Variants in LRCH1 observed in about 807,000 individuals in gnomAD.
LRCH1 encodes leucine rich repeats and calponin homology domain containing 1.
In LRCH1, 23 loss-of-function variants were observed where a neutral mutation model predicts 94.9. The ratio of observed to expected loss-of-function variants is 0.24; its 90% CI spans 0.17 to 0.34. LRCH1 has a LOEUF of 0.34. Among genes scored for constraint, LRCH1 ranks in the 10% least tolerant of loss-of-function variants. The pLI is 1.00. For missense variants in LRCH1, 790 were observed against 945.9 expected, an observed-to-expected ratio of 0.84 and a Z score of 2.16; for synonymous variants, 364 against 354.9, an observed-to-expected ratio of 1.03 and a Z score of -0.29.
chr13:46,637,456 G>A (rs890406613), intron 1 of LRCH1, among the ~76,000 whole-genome samples: 5 of 152,200 alleles, frequency 3.3e-5, no homozygotes, highest in Non-Finnish European at 7.3e-5. Flanking sequence ...GACCTCATTG[G>A]CCTCTTTTCT....
At chr13:46,568,101 A>T (rs2137913614) in intron 1 of LRCH1, among the ~76,000 whole-genome samples, 1 of 152,224 alleles carries the variant, frequency 6.6e-6, no homozygotes, top group East Asian at 1.9e-4. Flanking sequence ...GAGCCCCATC[A>T]CCTTTGGATA....
rs138383751 is a variant in LRCH1 at position 46,725,570 on chromosome 13, G to A, written c.1869+2240G>A. ...AAACAAATAAATACACAGTTTCAGA[G>A]AGCAATGAGTTCTACAAATGAGCAG... On this transcript the variant is annotated intron_variant, in intron 17 of 19. Coordinates refer to ENST00000389797, the MANE Select transcript of LRCH1 (RefSeq NM_001164211.2). Among the ~76,000 whole-genome samples, 3 of 152,272 alleles carry A rather than the reference G, an allele frequency of 2.0e-5. No individual in the cohort carries two copies. In the East Asian group the frequency reaches 5.8e-4, roughly 29 times the overall value.
Position 46,631,924 on chromosome 13 carries a change from G to A in LRCH1, c.308-18277G>A, listed in dbSNP as rs545012248. On this transcript the variant is annotated intron_variant, in intron 1 of 19. Transcript: ENST00000389797. ...ATGAGATTAAGACTTAATTCAGGCC[G>A]GGCGTGGTGGCTCACACTTGTAATT... Among the ~76,000 whole-genome samples, 166 of 152,216 alleles carry A rather than the reference G, an allele frequency of 1.1e-3. No individual in the cohort carries two copies. The Middle Eastern group carries it at 0.014, about 12-fold the overall frequency.
At chr13:46,632,575 G>A (rs2138047106) in intron 1 of LRCH1, among the ~76,000 whole-genome samples, 1 of 152,290 alleles carries the variant, frequency 6.6e-6, no homozygotes, top group East Asian at 1.9e-4. Context: ...AATTGAAAAT[G>A]AAAAGATAAA....
intron 1 of LRCH1, among the ~76,000 whole-genome samples, chr13:46,627,475 GAGA>G (rs2050963803): frequency 6.6e-6 from 1 of 151,276 alleles, no homozygotes; most frequent in African/African-American, 2.5e-5. Context: ...TAAAAAAATC[GAGA>G]AGTTGAATGA....
chr13:46,655,117 TTTGATAGTGATGG>T (rs2051353597), intron 2 of LRCH1, among the ~76,000 whole-genome samples: 1 of 151,998 alleles, frequency 6.6e-6, no homozygotes, highest in Admixed American at 6.6e-5. Flanking sequence ...GCCATAAATA[TTTGATAGTGATGG>T]TGATAGTGAT....
At chr13:46,618,021 C>T (rs540540437) in intron 1 of LRCH1, among the ~76,000 whole-genome samples, 4 of 152,246 alleles carry the variant, frequency 2.6e-5, no homozygotes, top group African/African-American at 7.2e-5. Context: ...ACAAGCTATA[C>T]GGTCATGCAT....
chr13:46,616,096 C>G (rs1475892266), intron 1 of LRCH1, among the ~76,000 whole-genome samples: 1 of 152,154 alleles, frequency 6.6e-6, no homozygotes, highest in Non-Finnish European at 1.5e-5. Context: ...GGCAGCTGAA[C>G]TGTGTACTGG....
At chr13:46,665,033 A>C (rs2138108506) in intron 2 of LRCH1, among the ~76,000 whole-genome samples, 1 of 152,326 alleles carries the variant, frequency 6.6e-6, no homozygotes, top group South Asian at 2.1e-4. Context: ...CAATTGAGTG[A>C]GTAAATTTGT....
chr13:46,553,781 A>T, intron 1 of LRCH1, 78 bp downstream of exon 1: 2 of 1,565,220 alleles, frequency 1.3e-6, no homozygotes, highest in Non-Finnish European at 1.7e-6. Context: ...CGCGGTGGAC[A>T]GTCGGAGATC....
intron 10 of LRCH1, 34 bp from the exon 11 acceptor site, chr13:46,701,087 C>A (rs369858718): frequency 7.5e-7 from 1 of 1,334,580 alleles, no homozygotes; most frequent in South Asian, 1.2e-5. Context: ...TTGTATTGAT[C>A]GTTTTCATTC....
intron 3 of LRCH1, among the ~76,000 whole-genome samples, chr13:46,671,817 T>C (rs760264103): frequency 1.3e-5 from 2 of 152,220 alleles, no homozygotes; most frequent in Non-Finnish European, 2.9e-5. Flanking sequence ...GGTACAAAGA[T>C]ATCCCACATA....
chr13:46,682,863 T>C (rs1566222836), intron 4 of LRCH1, among the ~76,000 whole-genome samples: 1 of 152,178 alleles, frequency 6.6e-6, no homozygotes, highest in Non-Finnish European at 1.5e-5. Flanking sequence ...GGCAGATATG[T>C]ATATTTATTC....
chr13:46,566,767 T>C (rs2050188853), intron 1 of LRCH1, among the ~76,000 whole-genome samples: 1 of 152,108 alleles, frequency 6.6e-6, no homozygotes, highest in African/African-American at 2.4e-5. Flanking sequence ...GTCCTCGGGG[T>C]GACATAGAGA....
intron 2 of LRCH1, among the ~76,000 whole-genome samples, chr13:46,663,624 G>A (rs1043748536): frequency 1.3e-5 from 2 of 152,196 alleles, no homozygotes; most frequent in Non-Finnish European, 2.9e-5. Flanking sequence ...TCATAAAAGA[G>A]CATAAAAACA....
intron 1 of LRCH1, among the ~76,000 whole-genome samples, chr13:46,606,146 T>TTGTGTGTGTGTG (rs1555272309): frequency 3.8e-5 from 4 of 103,970 alleles, no homozygotes; most frequent in African/African-American, 1.4e-4. Context: ...AATTTTAACC[T>TTGTGTGTGTGTG]TATGTGTGTG....
intron 18 of LRCH1, among the ~76,000 whole-genome samples, chr13:46,729,909 T>C (rs1488511817): frequency 6.6e-6 from 1 of 152,132 alleles, no homozygotes; most frequent in Non-Finnish European, 1.5e-5. Flanking sequence ...GAGGAGAACA[T>C]GAATGAGACT....
At chr13:46,718,356 A>G (rs575782245) in intron 16 of LRCH1, among the ~76,000 whole-genome samples, 1 of 152,290 alleles carries the variant, frequency 6.6e-6, no homozygotes, top group Non-Finnish European at 1.5e-5. Flanking sequence ...TATTTTTCCC[A>G]TTAGAGAAAT....
chr13:46,616,184 C>T (rs1327761388), intron 1 of LRCH1, among the ~76,000 whole-genome samples: 2 of 152,146 alleles, frequency 1.3e-5, no homozygotes, highest in African/African-American at 2.4e-5. Flanking sequence ...TGGAACAATA[C>T]AAGACCTGTG....
Sources: allele counts gnomAD v4.1 joint callset (sites outside exome capture counted in the v4.1 genomes callset), GRCh38; gene constraint gnomAD v4.1.1; transcripts MANE v1.5; gene names NCBI Gene and HGNC (gene_info 2026-07-23, HGNC 2026-07-21).